Variants in SWT1 observed in about 807,000 individuals in gnomAD.
SWT1 encodes the protein SWT1 RNA endoribonuclease homolog, also known as transcriptional protein SWT1.
In SWT1, 33 loss-of-function variants were observed where a neutral mutation model predicts 107.3. That is an observed-to-expected ratio of 0.31 (90% confidence interval 0.23 to 0.41). SWT1 has a LOEUF of 0.41. Among genes scored for constraint, SWT1 ranks in the 10% least tolerant of loss-of-function variants. SWT1 has a pLI of 1.00. For missense variants in SWT1, 898 were observed against 1,028.9 expected (o/e 0.87, Z 1.74); for synonymous variants, 345 against 348.3 (o/e 0.99, Z 0.11).
chr1:185,249,548 G>T (rs1482366057), intron 16 of SWT1, among the ~76,000 whole-genome samples: 3 of 152,034 alleles, frequency 2.0e-5, no homozygotes, highest in Non-Finnish European at 2.9e-5. Flanking sequence ...TTGAGGCAAG[G>T]CTCCCTGGGT....
At chr1:185,182,292 G>A (rs1409026472) in intron 7 of SWT1, among the ~76,000 whole-genome samples, 2 of 152,148 alleles carry the variant, frequency 1.3e-5, no homozygotes, top group African/African-American at 4.8e-5. Context: ...TCTGTCAAGA[G>A]GTAGTAATTA....
rs145367864 is a variant in SWT1 at position 185,279,600 on chromosome 1, G to GT, written c.2573+2938dup. Among the ~76,000 whole-genome samples, 603 of 151,850 alleles carry GT rather than the reference G, an allele frequency of 4.0e-3. 2 individuals are homozygous for GT. The highest frequency in any genetic ancestry group is 6.4e-3 in the Non-Finnish European group (432 of 67,978). On this transcript the variant is annotated intron_variant, in intron 18 of 18. Coordinates refer to ENST00000367500, the MANE Select transcript of SWT1 (RefSeq NM_017673.7). The stretch of plus-strand genomic sequence containing the variant: ...AGTTAATACTATTTAGATCTTTTGG[G>GT]TTTTTTGTGAAATTATTTGCCAATA...
chr1:185,237,381 A>T (rs555540401), intron 16 of SWT1, among the ~76,000 whole-genome samples: 17 of 152,318 alleles, frequency 1.1e-4, no homozygotes, highest in African/African-American at 4.1e-4. Context: ...ATAAAAAAGG[A>T]TGAGTTCATG....
At chr1:185,262,913 G>C (rs1472919109) in intron 16 of SWT1, among the ~76,000 whole-genome samples, 1 of 151,590 alleles carries the variant, frequency 6.6e-6, no homozygotes, top group Admixed American at 6.6e-5. Flanking sequence ...TCAGCCTCCT[G>C]AGTAGCTGGG....
At chr1:185,190,365 TTGG>T (rs1285662247) in intron 9 of SWT1, among the ~76,000 whole-genome samples, 181 bp from the exon 10 acceptor site, 1 of 152,232 alleles carries the variant, frequency 6.6e-6, no homozygotes, top group Non-Finnish European at 1.5e-5. Context: ...AGGTTCACTC[TTGG>T]TGTTGTACAC....
chr1:185,248,572 T>C (rs901161731), intron 16 of SWT1, among the ~76,000 whole-genome samples: 3 of 152,122 alleles, frequency 2.0e-5, no homozygotes, highest in African/African-American at 7.2e-5. Context: ...ATTTCTACAC[T>C]CCCCCTCTGG....
intron 13 of SWT1, among the ~76,000 whole-genome samples, chr1:185,208,472 G>A (rs141889552): frequency 6.8e-4 from 104 of 152,190 alleles, no homozygotes; most frequent in African/African-American, 2.0e-3. Flanking sequence ...TAACAGTTAC[G>A]TATTGTGTAT....
chr1:185,269,373 G>GTTTTTTT (rs59417358), intron 16 of SWT1, among the ~76,000 whole-genome samples: 2 of 125,346 alleles, frequency 1.6e-5, no homozygotes, highest in Non-Finnish European at 3.4e-5. Context: ...AGAGGTTTTT[G>GTTTTTTT]TTTTTTTTTT....
At chr1:185,203,290 CT>C (rs1180047467) in intron 11 of SWT1, among the ~76,000 whole-genome samples, 1 of 152,070 alleles carries the variant, frequency 6.6e-6, no homozygotes, top group African/African-American at 2.4e-5. Context: ...TTGTTGGAAT[CT>C]AGTAATAGTT....
At chr1:185,186,558 G>A (rs1656480655) in intron 9 of SWT1, among the ~76,000 whole-genome samples, 1 of 151,886 alleles carries the variant, frequency 6.6e-6, no homozygotes, top group Non-Finnish European at 1.5e-5. Context: ...CACAGGAGGG[G>A]ACACTATATT....
chr1:185,186,562 CTA>C (rs1204824720), intron 9 of SWT1, among the ~76,000 whole-genome samples: 2 of 151,574 alleles, frequency 1.3e-5, no homozygotes, highest in African/African-American at 2.4e-5. Flanking sequence ...GGAGGGGACA[CTA>C]TATTTGGAAA....
chr1:185,286,968 T>C lies in SWT1; in HGVS notation c.2574-3706T>C, dbSNP rs141583872. ...GTTGATGTTAGCTATTATATACTGC[T>C]TTTATATTTGTATTTTATATATTAC... On this transcript the variant is annotated intron_variant, in intron 18 of 18. Transcript: ENST00000367500. Among the ~76,000 whole-genome samples the C allele has an allele frequency of 3.2e-3, 492 of 152,330 alleles. 1 individual carries two copies. Among genetic ancestry groups the C allele is most frequent in the South Asian group, 5.8e-3 (28 of 4,834 alleles).
chr1:185,252,491 G>C (rs1290768582), intron 16 of SWT1, among the ~76,000 whole-genome samples: 1 of 152,182 alleles, frequency 6.6e-6, no homozygotes, highest in Non-Finnish European at 1.5e-5. Flanking sequence ...GTGTGAGATG[G>C]TATCCCATTG....
intron 16 of SWT1, among the ~76,000 whole-genome samples, chr1:185,234,612 T>A (rs1451432037): frequency 6.6e-6 from 1 of 152,190 alleles, no homozygotes; most frequent in Non-Finnish European, 1.5e-5. Context: ...CCATTTACAT[T>A]TAAGGTTAAT....
In SWT1 at chr1:185,243,645, C is replaced by G. The variant is rs1194487975; in HGVS notation, c.2441+11937C>G. 3.3e-5 allele frequency among the ~76,000 whole-genome samples: 5 copies of G among 152,250 alleles called. No homozygotes were observed. The East Asian group carries it at 9.6e-4, about 29-fold the overall frequency. ...TCTGGAATTATTAAACATTTTGATGCGCCAATCCCTGTTAACAAGGCATGT... is the reference window on the plus strand; with the variant it reads ...TCTGGAATTATTAAACATTTTGATGGGCCAATCCCTGTTAACAAGGCATGT... On this transcript the variant is annotated intron_variant, in intron 16 of 18. Transcript: ENST00000367500.
At chr1:185,253,591 G>A (rs1336096683) in intron 16 of SWT1, among the ~76,000 whole-genome samples, 13 of 150,612 alleles carry the variant, frequency 8.6e-5, no homozygotes, top group African/African-American at 3.0e-4. Flanking sequence ...GTTTGTTGTT[G>A]GTGTATAAGA....
chr1:185,170,143 A>G (rs1571401936), intron 4 of SWT1, among the ~76,000 whole-genome samples: 2 of 152,222 alleles, frequency 1.3e-5, no homozygotes, highest in Admixed American at 6.5e-5. Flanking sequence ...TCAGCTTTGC[A>G]ACTCTCAGAG....
chr1:185,223,610 A>G (rs1032371090), intron 15 of SWT1, among the ~76,000 whole-genome samples: 1 of 152,192 alleles, frequency 6.6e-6, no homozygotes, highest in African/African-American at 2.4e-5. Flanking sequence ...GGCCATTCAA[A>G]TGTCTTCCTT....
At chr1:185,287,591 G>A (rs1665020300) in intron 18 of SWT1, among the ~76,000 whole-genome samples, 1 of 152,178 alleles carries the variant, frequency 6.6e-6, no homozygotes, top group African/African-American at 2.4e-5. Context: ...ACAATAGTGA[G>A]TGTCCCATCA....
Sources: gnomAD v4.1 joint callset for allele counts (sites outside exome capture counted in the v4.1 genomes callset) on GRCh38, gnomAD v4.1.1 for gene constraint, MANE v1.5 for transcripts, NCBI Gene and HGNC (gene_info 2026-07-23, HGNC 2026-07-21) for gene names.